SMAP1: variants seen among roughly 807,000 people sequenced by gnomAD.
SMAP1 encodes the protein stromal membrane-associated protein 1.
SMAP1 carries 24 observed loss-of-function variants against 58.5 expected under a neutral mutation model. That is an observed-to-expected ratio of 0.41 (90% CI 0.30 to 0.58). The LOEUF (loss-of-function observed/expected upper bound fraction) is 0.58, where lower values mean the gene tolerates loss of function less well. SMAP1 is among the 20% of genes least tolerant of loss of function. SMAP1 has a pLI of 0.29. For missense variants in SMAP1, 563 were observed against 566.3 expected (o/e 0.99, Z 0.06); for synonymous variants, 216 against 196.6 (o/e 1.10, Z -0.82).
chr6:70,729,459 T>TTAAGAAGGTTGTGTGTG (rs1491434129), intron 1 of SMAP1, among the ~76,000 whole-genome samples: 1 of 128,164 alleles, frequency 7.8e-6, no homozygotes, highest in East Asian at 2.3e-4. Flanking sequence ...AAAAAGAAGG[T>TTAAGAAGGTTGTGTGTG]TGTGTGTGTG....
intron 1 of SMAP1, among the ~76,000 whole-genome samples, chr6:70,691,002 C>G (rs991901893): frequency 6.6e-6 from 1 of 151,980 alleles, no homozygotes; most frequent in African/African-American, 2.4e-5. Flanking sequence ...TGAGCAGATT[C>G]AGTTTATTTA....
At chr6:70,838,030 G>C (rs1770665921) in intron 7 of SMAP1, 1 of 724,524 alleles carries the variant, frequency 1.4e-6, no homozygotes, top group South Asian at 6.0e-5. Context: ...AAAAATAACT[G>C]TAATTTTGAA....
At chr6:70,859,521 T>A (rs1416159748) in intron 10 of SMAP1, 1 of 718,328 alleles carries the variant, frequency 1.4e-6, no homozygotes, top group African/African-American at 1.8e-5. Flanking sequence ...ATGTATTAAA[T>A]TAAGAACACA....
intron 1 of SMAP1, among the ~76,000 whole-genome samples, chr6:70,723,366 G>A (rs1768614377): frequency 6.6e-6 from 1 of 152,160 alleles, no homozygotes; most frequent in Non-Finnish European, 1.5e-5. Flanking sequence ...ATGTGAAGAA[G>A]CCATATTGTT....
At position 70,668,036 on chromosome 6, in the gene SMAP1, T is replaced by C; in HGVS notation, c.13T>C (p.Ser5Pro). Residue 5 changes from serine to proline, a missense_variant, in exon 1 of 11, where the codon TCC becomes CCC. Ser to Pro is a moderately conservative substitution (Grantham distance 74). This residue lies in a region of SMAP1 where 52 missense variants were observed against 46.6 expected (regional missense o/e 1.11). Coordinates refer to ENST00000370455, the MANE Select transcript of SMAP1 (RefSeq NM_001044305.3). MATR[S>P]CREKAQKLNE... ...CCCCGCTGCCGAGATGGCGACGCGC[T>C]CCTGTCGGGAGAAGGCTCAGAAGCT... is the stretch of plus-strand genomic sequence containing the variant. 3 of 1,599,932 alleles carry C rather than the reference T, an allele frequency of 1.9e-6. 1 individual carries two copies.
chr6:70,791,442 AT>A (rs1370782435), intron 4 of SMAP1, among the ~76,000 whole-genome samples: 1 of 152,136 alleles, frequency 6.6e-6, no homozygotes, highest in Non-Finnish European at 1.5e-5. Context: ...TACATTTTAA[AT>A]TTTATATCCT....
chr6:70,675,298 A>G (rs558708858), intron 1 of SMAP1, among the ~76,000 whole-genome samples: 55 of 148,772 alleles, frequency 3.7e-4, no homozygotes, highest in African/African-American at 1.3e-3. Flanking sequence ...GAGGTAGGTA[A>G]TATTATTACC....
At chr6:70,702,990 T>A (rs1007555076) in intron 1 of SMAP1, among the ~76,000 whole-genome samples, 12 of 152,190 alleles carry the variant, frequency 7.9e-5, no homozygotes, top group African/African-American at 2.9e-4. Context: ...TAATGGATTT[T>A]GTGCCTTGCG....
At chr6:70,747,456 G>A (rs1766092536) in intron 2 of SMAP1, among the ~76,000 whole-genome samples, 1 of 152,124 alleles carries the variant, frequency 6.6e-6, no homozygotes, top group Non-Finnish European at 1.5e-5. Context: ...GTTTGGTGCT[G>A]ATCTTATGAG....
chr6:70,837,080 C>A, intron 7 of SMAP1, 52 bp downstream of exon 7: 1 of 1,345,634 alleles, frequency 7.4e-7, no homozygotes. Flanking sequence ...CAATTGAAAC[C>A]TTTACTTGGA....
intron 1 of SMAP1, among the ~76,000 whole-genome samples, chr6:70,719,431 C>T (rs919946006): frequency 3.3e-5 from 5 of 152,024 alleles, no homozygotes; most frequent in African/African-American, 9.7e-5. Flanking sequence ...TCTCATCCAC[C>T]CTTGAATCTC....
At chr6:70,687,346 C>T (rs1766976548) in intron 1 of SMAP1, among the ~76,000 whole-genome samples, 1 of 152,110 alleles carries the variant, frequency 6.6e-6, no homozygotes, top group East Asian at 1.9e-4. Context: ...TCCAATTAAC[C>T]AAGGGAAATA....
At chr6:70,691,590 G>A (rs1351620757) in intron 1 of SMAP1, among the ~76,000 whole-genome samples, 1 of 151,356 alleles carries the variant, frequency 6.6e-6, no homozygotes, top group Non-Finnish European at 1.5e-5. Context: ...TCTCAATTCT[G>A]TGGCCCTCTG....
intron 6 of SMAP1, among the ~76,000 whole-genome samples, chr6:70,809,224 T>G (rs1030279280): frequency 2.0e-5 from 3 of 152,130 alleles, no homozygotes; most frequent in African/African-American, 7.2e-5. Flanking sequence ...CTTACCAGCA[T>G]CAATACATTT....
chr6:70,689,255 C>T (rs771769978), intron 1 of SMAP1, among the ~76,000 whole-genome samples: 6 of 152,254 alleles, frequency 3.9e-5, no homozygotes, highest in South Asian at 2.1e-4. Context: ...GTGATCCACC[C>T]GCCTCAGCAT....
Position 70,857,007 on chromosome 6 carries a change from C to T in SMAP1, c.938C>T (p.Thr313Ile). 6.2e-7 allele frequency: 1 copy of T among 1,610,886 alleles called. No individual in the cohort carries two copies. The highest frequency in any genetic ancestry group is 8.5e-7 in the Non-Finnish European group (1 of 1,178,378). ...DSILSLYGTG[T>I]IQQQSTPGVF... Reference sequence around the variant, plus strand: ...ATCTTATCTCTGTATGGCACAGGAACCATTCAACAGCAAAGTACTCCTGGT... The same window carrying T: ...ATCTTATCTCTGTATGGCACAGGAATCATTCAACAGCAAAGTACTCCTGGT... The change falls in exon 9 of 11, where the codon ACC (threonine) becomes ATC (isoleucine). Residue 313 changes from threonine to isoleucine, a missense_variant. Coordinates refer to ENST00000370455, the MANE Select transcript of SMAP1 (RefSeq NM_001044305.3).
At chr6:70,722,229 G>T (rs149550882) in intron 1 of SMAP1, among the ~76,000 whole-genome samples, 1 of 152,276 alleles carries the variant, frequency 6.6e-6, no homozygotes, top group Non-Finnish European at 1.5e-5. Flanking sequence ...ATCAGCCTCT[G>T]TTAATATATT....
At chr6:70,682,490 T>G (rs1766759053) in intron 1 of SMAP1, among the ~76,000 whole-genome samples, 1 of 152,104 alleles carries the variant, frequency 6.6e-6, no homozygotes, top group Non-Finnish European at 1.5e-5. Context: ...CGCCCGGCCC[T>G]CTGCACAGAA....
intron 10 of SMAP1, chr6:70,859,639 T>A (rs1771614789): frequency 6.5e-6 from 2 of 308,694 alleles, no homozygotes; most frequent in Non-Finnish European, 1.2e-5. Flanking sequence ...GTTAAGATGC[T>A]TATATATATA....
Sources: allele counts gnomAD v4.1 joint callset (sites outside exome capture counted in the v4.1 genomes callset), GRCh38; gene constraint gnomAD v4.1.1; regional missense constraint gnomAD v4.1.1; transcripts MANE v1.5; gene names NCBI Gene and HGNC (gene_info 2026-07-23, HGNC 2026-07-21).